The following ADGRB3 variants were observed in gnomAD, a reference collection of about 807,000 sequenced individuals.
ADGRB3 encodes the protein adhesion G protein-coupled receptor B3, also known as brain-specific angiogenesis inhibitor 3.
ADGRB3 carries 37 observed loss-of-function variants against 193.4 expected under a neutral mutation model. The ratio of observed to expected loss-of-function variants is 0.19; its 90% CI spans 0.15 to 0.25. The LOEUF is 0.25. Among genes scored for constraint, ADGRB3 ranks in the 10% least tolerant of loss-of-function variants. The pLI is 1.00. For missense variants in ADGRB3, 1,637 were observed against 1,852.9 expected, an observed-to-expected ratio of 0.88 and a Z score of 2.14; for synonymous variants, 690 against 644.2, an observed-to-expected ratio of 1.07 and a Z score of -1.08.
intron 3 of ADGRB3, among the ~76,000 whole-genome samples, chr6:68,873,419 A>C (rs192729007): frequency 3.9e-5 from 6 of 152,256 alleles, no homozygotes; most frequent in Admixed American, 3.9e-4. Context: ...AGTCCCCTGG[A>C]TGTAATGCCA....
At chr6:69,111,954 C>A (rs925872743) in intron 17 of ADGRB3, among the ~76,000 whole-genome samples, 12 of 152,210 alleles carry the variant, frequency 7.9e-5, no homozygotes, top group African/African-American at 2.9e-4. Context: ...GTTCCACTAA[C>A]CTGGAATTTT....
At chr6:69,232,371 C>T (rs1396345027) in intron 17 of ADGRB3, 6 of 1,394,104 alleles carry the variant, frequency 4.3e-6, no homozygotes, top group Non-Finnish European at 5.6e-6. Context: ...AGGTTGATAC[C>T]ATTTTTATTG....
At chr6:68,661,076 T>G (rs772595456) in intron 3 of ADGRB3, among the ~76,000 whole-genome samples, 22 of 150,398 alleles carry the variant, frequency 1.5e-4, no homozygotes, top group Non-Finnish European at 3.3e-4. Flanking sequence ...TACAAAAAAA[T>G]GTTTTTTGGA....
chr6:68,726,083 G>A (rs1476784369), intron 3 of ADGRB3, among the ~76,000 whole-genome samples: 1 of 151,556 alleles, frequency 6.6e-6, no homozygotes, highest in East Asian at 1.9e-4. Context: ...ACCAGTTCAT[G>A]CAGTTAAGTA....
chr6:68,926,715 A>G (rs1767192434), intron 3 of ADGRB3, among the ~76,000 whole-genome samples: 1 of 152,188 alleles, frequency 6.6e-6, no homozygotes, highest in Non-Finnish European at 1.5e-5. Flanking sequence ...ATGTTTAAAA[A>G]TACACATGGT....
intron 3 of ADGRB3, among the ~76,000 whole-genome samples, chr6:68,864,786 C>T (rs1765247816): frequency 1.3e-5 from 2 of 152,154 alleles, no homozygotes; most frequent in Admixed American, 6.6e-5. Flanking sequence ...ATTAATCCCA[C>T]CTGAAAATTC....
At chr6:69,345,582 C>T (rs913021733) in intron 26 of ADGRB3, among the ~76,000 whole-genome samples, 1 of 152,104 alleles carries the variant, frequency 6.6e-6, no homozygotes, top group Non-Finnish European at 1.5e-5. Context: ...TCTCAATAAA[C>T]TAGGTACTGA....
At chr6:69,129,850 A>G (rs1373213493) in intron 17 of ADGRB3, among the ~76,000 whole-genome samples, 1 of 152,152 alleles carries the variant, frequency 6.6e-6, no homozygotes, top group African/African-American at 2.4e-5. Flanking sequence ...TAGTGCAGAA[A>G]TGTAGTATCA....
In ADGRB3 at chr6:69,322,938, C is replaced by T. The variant is rs774339534; in HGVS notation, c.2815-1934C>T. ...CATAGTCTGTGACCATATTATTGTA[C>T]GAAGAGGCATGATTATTGAAATAAA... On this transcript the variant is annotated intron_variant, in intron 20 of 31. Transcript: ENST00000370598. Among the ~76,000 whole-genome samples the T allele has an allele frequency of 1.1e-4, 16 of 151,964 alleles. No homozygotes were observed. In the South Asian group the frequency reaches 1.9e-3, roughly 18 times the overall value.
chr6:69,342,364 C>A (rs1768992271), intron 26 of ADGRB3, among the ~76,000 whole-genome samples: 1 of 151,850 alleles, frequency 6.6e-6, no homozygotes, highest in African/African-American at 2.4e-5. Flanking sequence ...TTTAATTGAA[C>A]CTTAAAAATA....
At chr6:69,270,082 G>C (rs1471552126) in intron 20 of ADGRB3, among the ~76,000 whole-genome samples, 1 of 152,098 alleles carries the variant, frequency 6.6e-6, no homozygotes, top group Non-Finnish European at 1.5e-5. Context: ...GAGTTTGTGG[G>C]ATGGGTTTAT....
chr6:68,920,806 A>C (rs1331436775), intron 3 of ADGRB3, among the ~76,000 whole-genome samples: 3 of 152,152 alleles, frequency 2.0e-5, no homozygotes, highest in East Asian at 1.9e-4. Context: ...AAAAAAATCT[A>C]ATAGTTAAAT....
chr6:69,293,631 C>G (rs1313041231), intron 20 of ADGRB3, among the ~76,000 whole-genome samples: 1 of 152,132 alleles, frequency 6.6e-6, no homozygotes, highest in Admixed American at 6.6e-5. Context: ...TTCACATGGA[C>G]ACTACAGATC....
intron 20 of ADGRB3, among the ~76,000 whole-genome samples, chr6:69,312,073 T>C (rs907939708): frequency 6.6e-6 from 1 of 151,762 alleles, no homozygotes; most frequent in South Asian, 2.1e-4. Context: ...TCCATTTCAC[T>C]TCTGCCAATG....
At chr6:68,979,384 C>G (rs947257867) in intron 10 of ADGRB3, among the ~76,000 whole-genome samples, 6 of 151,318 alleles carry the variant, frequency 4.0e-5, no homozygotes, top group Admixed American at 1.3e-4. Flanking sequence ...GGTGACATCA[C>G]TTTATGAAAT....
At chr6:69,168,145 G>A (rs902500270) in intron 17 of ADGRB3, among the ~76,000 whole-genome samples, 4 of 152,082 alleles carry the variant, frequency 2.6e-5, no homozygotes, top group African/African-American at 4.8e-5. Flanking sequence ...TTCTGAGCTG[G>A]TGCATAGTTT....
Position 68,638,848 on chromosome 6 carries a change from C to T in ADGRB3, c.173C>T (p.Thr58Met), listed in dbSNP as rs1768011474. Residue 58 changes from threonine to methionine, a missense_variant, in exon 3 of 32, where the codon ACG (threonine) becomes ATG (methionine). Coordinates refer to ENST00000370598, the MANE Select transcript of ADGRB3 (RefSeq NM_001704.3). ...FPKNFTNCTW[T>M]LENPDPTKYS... ...AAAAACTTTACAAACTGCACTTGGACGCTGGAAAATCCAGATCCAACCAAA... is the reference window on the plus strand; with the variant it reads ...AAAAACTTTACAAACTGCACTTGGATGCTGGAAAATCCAGATCCAACCAAA... 3 of 1,614,078 alleles carry T rather than the reference C, an allele frequency of 1.9e-6. No homozygotes were observed. Among genetic ancestry groups the T allele is most frequent in the Non-Finnish European group, 2.5e-6 (3 of 1,180,020 alleles).
intron 20 of ADGRB3, among the ~76,000 whole-genome samples, chr6:69,255,623 T>A (rs950225478): frequency 5.3e-5 from 8 of 152,208 alleles, no homozygotes; most frequent in African/African-American, 1.9e-4. Flanking sequence ...GATGAGTAGG[T>A]TGCAAAAATT....
intron 3 of ADGRB3, among the ~76,000 whole-genome samples, chr6:68,658,013 A>T (rs1768532398): frequency 6.6e-6 from 1 of 151,430 alleles, no homozygotes; most frequent in Non-Finnish European, 1.5e-5. Context: ...CAGACTACTA[A>T]GCCCATACTT....
Sources: gnomAD v4.1 joint callset for allele counts (sites outside exome capture counted in the v4.1 genomes callset) on GRCh38, gnomAD v4.1.1 for gene constraint, MANE v1.5 for transcripts, NCBI Gene and HGNC (gene_info 2026-07-23, HGNC 2026-07-21) for gene names.